PDE4D: variants seen among roughly 807,000 people sequenced by gnomAD.
PDE4D encodes phosphodiesterase 4D, also known as 3',5'-cyclic-AMP phosphodiesterase 4D.
A neutral mutation model predicts 87.4 loss-of-function variants in PDE4D; 24 were observed. The observed-to-expected ratio is 0.27, with a 90% CI of 0.20 to 0.39. The LOEUF is 0.39. PDE4D is among the 10% of genes least tolerant of loss of function. The pLI is 1.00. For missense variants in PDE4D, 714 were observed against 1,041.0 expected, an observed-to-expected ratio of 0.69 and a Z score of 4.32; for synonymous variants, 384 against 383.2, an observed-to-expected ratio of 1.00 and a Z score of -0.02.
At chr5:60,259,687 T>C (rs10077172) in intron 1 of PDE4D, among the ~76,000 whole-genome samples, 67,494 of 151,932 alleles carry the variant, frequency 0.44, 16,062 homozygotes, top group African/African-American at 0.59. Context: ...CTTCCACTTA[T>C]GGACAGTTTG....
In PDE4D at chr5:60,409,626, C is replaced by T. The variant is rs138440335; in HGVS notation, c.-90+78316G>A. 5.0e-3 allele frequency among the ~76,000 whole-genome samples: 760 copies of T among 152,226 alleles called. 2 individuals carry two copies. The highest frequency in any genetic ancestry group is 8.1e-3 in the Non-Finnish European group (551 of 68,012). Reference sequence around the variant, plus strand: ...GAAAACATCACTGTGCTCTTCCTTGCTTTTCAAATTTATAAAACATTCTTA... The same window carrying T: ...GAAAACATCACTGTGCTCTTCCTTGTTTTTCAAATTTATAAAACATTCTTA... On this transcript the variant is annotated intron_variant, in intron 1 of 16. Coordinates refer to the PDE4D transcript ENST00000502484.
intron 1 of PDE4D, among the ~76,000 whole-genome samples, chr5:59,683,219 G>A (rs905755247): frequency 6.6e-6 from 1 of 152,058 alleles, no homozygotes; most frequent in African/African-American, 2.4e-5. Context: ...ATGGGTAGAC[G>A]GATACATAGA....
At chr5:60,361,677 C>T (rs1190755091) in intron 1 of PDE4D, among the ~76,000 whole-genome samples, 1 of 152,128 alleles carries the variant, frequency 6.6e-6, no homozygotes, top group African/African-American at 2.4e-5. Flanking sequence ...CCTGGGGTAA[C>T]ATCCTTTAGA....
At chr5:60,020,546 C>T (rs1765946011) in intron 2 of PDE4D, among the ~76,000 whole-genome samples, 1 of 152,106 alleles carries the variant, frequency 6.6e-6, no homozygotes, top group African/African-American at 2.4e-5. Context: ...TATACACACA[C>T]ACAGCCTATT....
intron 6 of PDE4D, among the ~76,000 whole-genome samples, chr5:59,016,390 CTTTTTTTT>C (rs35622981): frequency 2.5e-5 from 2 of 78,598 alleles, no homozygotes; most frequent in South Asian, 4.9e-4. Context: ...TCAGTCTGTT[CTTTTTTTT>C]TTTTTTTTTT....
chr5:59,590,633 C>T (rs1157233630), intron 1 of PDE4D, among the ~76,000 whole-genome samples: 1 of 152,104 alleles, frequency 6.6e-6, no homozygotes, highest in Admixed American at 6.5e-5. Flanking sequence ...TTGGCATAAC[C>T]TCAGTGAAGT....
At chr5:60,430,620 G>A (rs37690) in intron 1 of PDE4D, 57,199 of 211,122 alleles carry the variant, frequency 0.27, 7,859 homozygotes, top group South Asian at 0.42. Flanking sequence ...TAGGACAATA[G>A]TGGAGGGAAG....
At chr5:59,287,890 A>C (rs1251246496) in intron 1 of PDE4D, among the ~76,000 whole-genome samples, 1 of 152,168 alleles carries the variant, frequency 6.6e-6, no homozygotes, top group Non-Finnish European at 1.5e-5. Context: ...CCACAGTGTT[A>C]CTGGGCTTGG....
intron 1 of PDE4D, among the ~76,000 whole-genome samples, chr5:59,726,580 A>G (rs150209661): frequency 6.6e-6 from 1 of 152,218 alleles, no homozygotes; most frequent in Non-Finnish European, 1.5e-5. Flanking sequence ...CAGAACTTTC[A>G]GCCTCCAGAA....
chr5:59,961,800 G>T (rs1026491317), intron 3 of PDE4D, among the ~76,000 whole-genome samples: 10 of 151,882 alleles, frequency 6.6e-5, no homozygotes, highest in Admixed American at 6.6e-4. Flanking sequence ...TCAGAGATGG[G>T]TTTATGGTGA....
chr5:60,273,434 G>GTCATAATAAGGACTCTCAAT (rs1405038833), intron 1 of PDE4D, among the ~76,000 whole-genome samples: 5 of 152,142 alleles, frequency 3.3e-5, no homozygotes, highest in African/African-American at 4.8e-5. Context: ...TAATTTTTAA[G>GTCATAATAAGGACTCTCAAT]TCATAATAAG....
At chr5:59,449,268 C>T (rs1019778638) in intron 1 of PDE4D, among the ~76,000 whole-genome samples, 3 of 152,114 alleles carry the variant, frequency 2.0e-5, no homozygotes, top group Admixed American at 6.5e-5. Flanking sequence ...CCCCCTTTTA[C>T]TACTTGAGAC....
chr5:59,701,895 A>G (rs1752628763), intron 1 of PDE4D, among the ~76,000 whole-genome samples: 1 of 152,206 alleles, frequency 6.6e-6, no homozygotes. Context: ...AACATATAAG[A>G]TGGACACAGA....
intron 1 of PDE4D, among the ~76,000 whole-genome samples, chr5:59,502,900 T>G (rs1019896380): frequency 7.1e-6 from 1 of 141,680 alleles, no homozygotes; most frequent in African/African-American, 3.0e-5. Flanking sequence ...TTGTAGGAGA[T>G]TAGAAGGCTT....
chr5:60,163,405 T>C (rs963280551), intron 2 of PDE4D, among the ~76,000 whole-genome samples: 4 of 152,172 alleles, frequency 2.6e-5, no homozygotes, highest in African/African-American at 9.7e-5. Context: ...TCACTTCCTC[T>C]GAGCAACTTG....
intron 6 of PDE4D, among the ~76,000 whole-genome samples, chr5:58,994,501 CAAAA>C (rs11350151): frequency 8.6e-5 from 13 of 151,590 alleles, no homozygotes; most frequent in Middle Eastern, 3.4e-3. Flanking sequence ...AGATACTTGA[CAAAA>C]AAAAGTCAGA....
chr5:59,589,357 A>G lies in PDE4D; in HGVS notation c.455+303811T>C, dbSNP rs187070675. On this transcript the variant is annotated intron_variant, in intron 1 of 14. Coordinates refer to ENST00000340635, the MANE Select transcript of PDE4D (RefSeq NM_001104631.2). ...GACATTTATTATGCCCATTTTGGAG[A>G]TGCCAAAAAGATTGTATTTGTTCAT... 7.1e-3 allele frequency among the ~76,000 whole-genome samples: 1,075 copies of G among 152,316 alleles called. 12 individuals carry two copies. The highest frequency in any genetic ancestry group is 0.011 in the Non-Finnish European group (722 of 68,010).
At chr5:59,276,794 T>C (rs1455368984) in intron 1 of PDE4D, among the ~76,000 whole-genome samples, 3 of 152,126 alleles carry the variant, frequency 2.0e-5, no homozygotes, top group Non-Finnish European at 4.4e-5. Flanking sequence ...GGAATGAAGC[T>C]TTATATCTTG....
At chr5:59,668,833 G>GAAGAAGAAGAAGAAGAA (rs1561441084) in intron 1 of PDE4D, among the ~76,000 whole-genome samples, 1 of 54,064 alleles carries the variant, frequency 1.8e-5, no homozygotes, top group African/African-American at 7.8e-5. Context: ...AAGAAGAAGA[G>GAAGAAGAAGAAGAAGAA]GAAGAGGAAG....
Sources: allele counts gnomAD v4.1 joint callset (sites outside exome capture counted in the v4.1 genomes callset), GRCh38; gene constraint gnomAD v4.1.1; transcripts MANE v1.5; gene names NCBI Gene and HGNC (gene_info 2026-07-23, HGNC 2026-07-21).